Variants in MTCL2 observed in about 807,000 individuals in gnomAD.
The protein encoded by MTCL2 is microtubule crosslinking factor 2.
At chr20:36,862,596 G>A in the MTCL2 span, 13 of 1,401,550 alleles carry the variant, frequency 9.3e-6, no homozygotes, top group Non-Finnish European at 1.2e-5. Flanking sequence ...GGTGCCTCAG[G>A]CCCGCGGGAC....
the MTCL2 span, among the ~76,000 whole-genome samples, chr20:36,841,045 CG>C: frequency 6.6e-6 from 1 of 150,878 alleles, no homozygotes; most frequent in African/African-American, 2.4e-5. Flanking sequence ...CGCAGTGGCT[CG>C]CACCTCTAAT....
At chr20:36,809,956 C>T in the MTCL2 span, 1 of 1,588,600 alleles carries the variant, frequency 6.3e-7, no homozygotes, top group Non-Finnish European at 8.6e-7. Context: ...GGAATAGCTG[C>T]CTGGAAAGCG....
At chr20:36,860,503 G>A in the MTCL2 span, among the ~76,000 whole-genome samples, 3 of 152,300 alleles carry the variant, frequency 2.0e-5, no homozygotes, top group South Asian at 6.2e-4. Flanking sequence ...GAACCAATGA[G>A]GGGCCAGGAG....
chr20:36,858,690 G>A, the MTCL2 span, among the ~76,000 whole-genome samples: 3 of 152,104 alleles, frequency 2.0e-5, no homozygotes, highest in Non-Finnish European at 4.4e-5. Context: ...AATTCCTCAG[G>A]CGACTTGGGT....
At chr20:36,783,491 C>A in the MTCL2 span, 1 of 152,576 alleles carries the variant, frequency 6.6e-6, no homozygotes, top group East Asian at 1.9e-4. Context: ...TGGACCCAAG[C>A]CAAGTGGTCT....
At chr20:36,808,734 C>T in the MTCL2 span, 1 of 1,589,722 alleles carries the variant, frequency 6.3e-7, no homozygotes, top group Non-Finnish European at 8.5e-7. Context: ...CTCTGCTGGT[C>T]CTCCTTCAGC....
chr20:36,797,205 C>T, the MTCL2 span, among the ~76,000 whole-genome samples: 8 of 152,166 alleles, frequency 5.3e-5, no homozygotes. Flanking sequence ...AAATTTAATC[C>T]AAATGTGGTG....
At chr20:36,812,140 G>A in the MTCL2 span, among the ~76,000 whole-genome samples, 1 of 152,160 alleles carries the variant, frequency 6.6e-6, no homozygotes, top group Non-Finnish European at 1.5e-5. Flanking sequence ...TTGAACTCAG[G>A]TCCCCTGAGT....
At chr20:36,816,110 G>C in the MTCL2 span, 41 of 1,613,416 alleles carry the variant, frequency 2.5e-5, no homozygotes, top group Non-Finnish European at 3.2e-5. Context: ...CCTTCAGCTC[G>C]GTCTCCCGCG....
At chr20:36,799,399 G>A in the MTCL2 span, among the ~76,000 whole-genome samples, 2 of 152,056 alleles carry the variant, frequency 1.3e-5, no homozygotes. Flanking sequence ...GGCTGAGGCA[G>A]GAGAATCGTT....
the MTCL2 span, chr20:36,862,973 C>A: frequency 7.1e-7 from 1 of 1,409,636 alleles, no homozygotes; most frequent in Non-Finnish European, 9.3e-7. Context: ...ACGCGCAGTC[C>A]GACACCTCCG....
chr20:36,804,945 G>A, the MTCL2 span: 2 of 1,591,726 alleles, frequency 1.3e-6, no homozygotes, highest in African/African-American at 1.3e-5. Flanking sequence ...CCTCTGTGGG[G>A]TAGGGAGGGG....
the MTCL2 span, among the ~76,000 whole-genome samples, chr20:36,862,441 T>G: frequency 6.6e-6 from 1 of 152,150 alleles, no homozygotes; most frequent in African/African-American, 2.4e-5. Context: ...TGTAGCCAGT[T>G]CCAAGGTCTT....
At chr20:36,823,609 C>A in the MTCL2 span, among the ~76,000 whole-genome samples, 95 of 152,198 alleles carry the variant, frequency 6.2e-4, 1 homozygote, top group Middle Eastern at 3.4e-3. Flanking sequence ...GAGTTTGAGA[C>A]CAGCCTGGGC....
At chr20:36,778,476 A>C in the MTCL2 span, 1 of 152,410 alleles carries the variant, frequency 6.6e-6, no homozygotes, top group Non-Finnish European at 1.5e-5. Context: ...CTGGAATGCA[A>C]TACAAGAACC....
the MTCL2 span, among the ~76,000 whole-genome samples, chr20:36,833,024 C>T: frequency 1.3e-5 from 2 of 152,074 alleles, no homozygotes; most frequent in Admixed American, 6.6e-5. Context: ...CTTTTCATCC[C>T]GTTGGGAAGC....
the MTCL2 span, chr20:36,863,045 A>G: frequency 1.1e-4 from 157 of 1,407,700 alleles, 3 homozygotes; most frequent in South Asian, 2.0e-3. The surrounding 1 kb of genome is among the most constrained non-coding windows in gnomAD (Gnocchi z 6.2). Flanking sequence ...CCGAGCGCGG[A>G]CGGCCCTTGG....
chr20:36,799,415 G>A, the MTCL2 span, among the ~76,000 whole-genome samples: 16 of 151,968 alleles, frequency 1.1e-4, no homozygotes, highest in African/African-American at 2.9e-4. Context: ...TCGTTTGAAC[G>A]CGGGAGGCAG....
the MTCL2 span, among the ~76,000 whole-genome samples, chr20:36,798,004 C>T: frequency 6.6e-6 from 1 of 152,144 alleles, no homozygotes; most frequent in Non-Finnish European, 1.5e-5. Flanking sequence ...GCTTCTCTCC[C>T]CTCTTTGGAG....
Sources: allele counts gnomAD v4.1 joint callset (sites outside exome capture counted in the v4.1 genomes callset), GRCh38; gene constraint gnomAD v4.1.1; non-coding constraint Gnocchi (gnomAD v3.1); transcripts MANE v1.5; gene names NCBI Gene and HGNC (gene_info 2026-07-23, HGNC 2026-07-21).